Variants in TRIO observed in about 807,000 individuals in gnomAD.
TRIO encodes trio Rho guanine nucleotide exchange factor.
TRIO carries 58 observed loss-of-function variants against 351.9 expected under a neutral mutation model. The observed-to-expected ratio is 0.16, with a 90% confidence interval of 0.13 to 0.21. The LOEUF is 0.21. Ranked by LOEUF, TRIO falls within the 10% of genes least tolerant of loss-of-function variation. The pLI, the probability that TRIO is intolerant of heterozygous loss-of-function variation, is 1.00. For missense variants in TRIO, 3,201 were observed against 4,027.8 expected (o/e 0.79, Z 5.56); for synonymous variants, 1,758 against 1,595.7 (o/e 1.10, Z -2.42).
chr5:14,476,800 A>G, intron 40 of TRIO, 94 bp from the exon 41 acceptor site: 1 of 1,152,388 alleles, frequency 8.7e-7, no homozygotes, highest in Non-Finnish European at 1.2e-6. Context: ...TCAAAAAAAA[A>G]AAAGAAAAAA....
At chr5:14,316,459 C>A in intron 8 of TRIO, 54 bp from the exon 9 acceptor site, 1 of 1,587,390 alleles carries the variant, frequency 6.3e-7, no homozygotes, top group South Asian at 1.1e-5. Flanking sequence ...ATCTGTGGCA[C>A]AGCCTAGGCC....
intron 21 of TRIO, among the ~76,000 whole-genome samples, chr5:14,384,594 T>A (rs1429695264): frequency 6.6e-6 from 1 of 151,992 alleles, no homozygotes; most frequent in Non-Finnish European, 1.5e-5. Context: ...GGAAAAAAAA[T>A]TAAGTTGGAT....
At chr5:14,191,134 G>A (rs1790433329) in intron 1 of TRIO, among the ~76,000 whole-genome samples, 1 of 152,182 alleles carries the variant, frequency 6.6e-6, no homozygotes, top group African/African-American at 2.4e-5. Context: ...TTCATTGCAT[G>A]GCTGGGTCTG....
intron 1 of TRIO, among the ~76,000 whole-genome samples, chr5:14,170,680 T>A (rs961535373): frequency 6.6e-6 from 1 of 152,092 alleles, no homozygotes; most frequent in Non-Finnish European, 1.5e-5. Flanking sequence ...CTAATTTTTG[T>A]ACTTTAGTCG....
At chr5:14,348,936 CTGTA>C (rs999783956) in intron 11 of TRIO, among the ~76,000 whole-genome samples, 6 of 141,504 alleles carry the variant, frequency 4.2e-5, no homozygotes, top group East Asian at 4.3e-4. Context: ...TGTGTTTTTC[CTGTA>C]TGTGTGTACA....
At chr5:14,225,247 T>G (rs565826492) in intron 1 of TRIO, among the ~76,000 whole-genome samples, 2 of 152,284 alleles carry the variant, frequency 1.3e-5, no homozygotes, top group South Asian at 4.2e-4. Context: ...TTTGGTATAC[T>G]TCTGAGAAAA....
intron 48 of TRIO, 182 bp downstream of exon 48, chr5:14,488,442 T>C: frequency 1.2e-6 from 1 of 843,226 alleles, no homozygotes; most frequent in Non-Finnish European, 1.8e-6. Flanking sequence ...TAACTACTCC[T>C]TGCTTTGTTC....
Position 14,504,003 on chromosome 5 carries a change from C to T in TRIO, c.8412-390C>T, listed in dbSNP as rs140236432. On this transcript the variant is annotated intron_variant, in intron 54 of 56. Coordinates refer to ENST00000344204, the MANE Select transcript of TRIO (RefSeq NM_007118.4). ...GACCACAGCAGACGCACCTTTCAAACGTGCAGGGAAAGGTGGCTGACGGGA... is the reference window on the plus strand; with the variant it reads ...GACCACAGCAGACGCACCTTTCAAATGTGCAGGGAAAGGTGGCTGACGGGA... 8.1e-3 allele frequency among the ~76,000 whole-genome samples: 1,234 copies of T among 152,338 alleles called. 12 individuals carry two copies. Among genetic ancestry groups the T allele is most frequent in the African/African-American group, 0.028 (1,159 of 41,576 alleles).
intron 1 of TRIO, among the ~76,000 whole-genome samples, chr5:14,184,644 T>G (rs1789995869): frequency 6.6e-6 from 1 of 152,244 alleles, no homozygotes; most frequent in African/African-American, 2.4e-5. Context: ...CATCTCAGCA[T>G]CTTTTAAATG....
intron 1 of TRIO, among the ~76,000 whole-genome samples, chr5:14,214,749 C>A (rs1277234330): frequency 6.6e-6 from 1 of 152,104 alleles, no homozygotes; most frequent in African/African-American, 2.4e-5. Context: ...GATACAGGAC[C>A]TCATTGATTT....
intron 11 of TRIO, among the ~76,000 whole-genome samples, 185 bp from the exon 12 acceptor site, chr5:14,357,993 G>A (rs1332362373): frequency 6.6e-6 from 1 of 152,110 alleles, no homozygotes; most frequent in African/African-American, 2.4e-5. Flanking sequence ...CATGTGTTCC[G>A]CTGGCAGTGG....
intron 1 of TRIO, among the ~76,000 whole-genome samples, chr5:14,231,260 G>T (rs1460483314): frequency 6.6e-6 from 1 of 152,174 alleles, no homozygotes; most frequent in Admixed American, 6.5e-5. Context: ...GTGGATTTTA[G>T]TATTAAAGCT....
intron 10 of TRIO, among the ~76,000 whole-genome samples, chr5:14,336,144 C>T (rs536983767): frequency 9.9e-5 from 15 of 152,134 alleles, no homozygotes; most frequent in Non-Finnish European, 2.2e-4. Flanking sequence ...TACGGAAAGA[C>T]ATAGACTGGA....
Position 14,236,782 on chromosome 5 carries a change from C to G in TRIO, c.158-34043C>G, listed in dbSNP as rs1266570621. 2.0e-5 allele frequency among the ~76,000 whole-genome samples: 3 copies of G among 152,288 alleles called. No homozygotes were observed. The East Asian group carries it at 5.8e-4, about 29-fold the overall frequency. On this transcript the variant is annotated intron_variant, in intron 1 of 56. Transcript: ENST00000344204. ...CTGTGGCTTTTAGTATATTCACCTACAGAGTTGTGCAGCCATCATCGCCAG... is the reference window on the plus strand; with the variant it reads ...CTGTGGCTTTTAGTATATTCACCTAGAGAGTTGTGCAGCCATCATCGCCAG...
chr5:14,315,012 A>G lies in TRIO; in HGVS notation c.1501-1501A>G, dbSNP rs1403531185. On this transcript the variant is annotated intron_variant, in intron 8 of 56. Transcript: ENST00000344204. ...TCGTAAGGAATAATCAGCATTTCCAACGTCTCAAATTCAGGTATTGAAAAG... is the reference window on the plus strand; with the variant it reads ...TCGTAAGGAATAATCAGCATTTCCAGCGTCTCAAATTCAGGTATTGAAAAG... 3.9e-5 allele frequency among the ~76,000 whole-genome samples: 6 copies of G among 152,186 alleles called. No individual in the cohort carries two copies. In the East Asian group the frequency reaches 5.8e-4, roughly 15 times the overall value.
At chr5:14,204,176 T>C (rs955131815) in intron 1 of TRIO, among the ~76,000 whole-genome samples, 10 of 152,314 alleles carry the variant, frequency 6.6e-5, no homozygotes, top group African/African-American at 2.4e-4. Context: ...CAAACAAGTG[T>C]CATCTGTGGT....
At chr5:14,405,196 G>T (rs1166872261) in intron 31 of TRIO, among the ~76,000 whole-genome samples, 3 of 152,150 alleles carry the variant, frequency 2.0e-5, no homozygotes, top group Non-Finnish European at 2.9e-5. Context: ...CTTGAGAGTT[G>T]TAATGGAGTC....
At position 14,474,069 on chromosome 5, in the gene TRIO, A is replaced by G; in HGVS notation, c.6055A>G (p.Ile2019Val). ...AAAAGACAAAATTGTGTTCGGCAAC[A>G]TCCATCAGATTTACGACTGGCACAG... ...KGKDKIVFGNIHQIYDWHRDF... is the reference protein window; with the variant it reads ...KGKDKIVFGNVHQIYDWHRDF... Residue 2019 changes from isoleucine to valine, a missense_variant, in exon 40 of 57, where the codon ATC becomes GTC. Physicochemically the swap from Ile to Val is conservative, Grantham distance 29. This residue lies in a region of TRIO where 307 missense variants were observed against 396.5 expected (regional missense o/e 0.77). Coordinates refer to ENST00000344204, the MANE Select transcript of TRIO (RefSeq NM_007118.4). 6.2e-7 allele frequency: 1 copy of G among 1,613,584 alleles called. No individual in the cohort carries two copies. Among genetic ancestry groups the G allele is most frequent in the Non-Finnish European group, 8.5e-7 (1 of 1,179,542 alleles).
At chr5:14,145,161 C>T (rs926769492) in intron 1 of TRIO, among the ~76,000 whole-genome samples, 1 of 152,178 alleles carries the variant, frequency 6.6e-6, no homozygotes, top group Non-Finnish European at 1.5e-5. Flanking sequence ...TTTCCGTGGC[C>T]TCTTTGAAAA....
Sources: allele counts gnomAD v4.1 joint callset (sites outside exome capture counted in the v4.1 genomes callset), GRCh38; gene constraint gnomAD v4.1.1; regional missense constraint gnomAD v4.1.1; transcripts MANE v1.5; gene names NCBI Gene and HGNC (gene_info 2026-07-23, HGNC 2026-07-21).